Variants in TBC1D32 observed in about 807,000 individuals in gnomAD.
The protein encoded by TBC1D32 is TBC1 domain family member 32, also known as protein broad-minded.
In TBC1D32, 151 loss-of-function variants were observed where a neutral mutation model predicts 170.3. The ratio of observed to expected loss-of-function variants is 0.89; its 90% CI spans 0.78 to 1.01. The LOEUF (loss-of-function observed/expected upper bound fraction) is 1.01, where lower values mean the gene tolerates loss of function less well. TBC1D32 is among the 50% of genes least tolerant of loss of function. The pLI is 0.00. For missense variants in TBC1D32, 1,464 were observed against 1,457.1 expected, an observed-to-expected ratio of 1.00 and a Z score of -0.08; for synonymous variants, 498 against 488.0, an observed-to-expected ratio of 1.02 and a Z score of -0.27.
intron 26 of TBC1D32, among the ~76,000 whole-genome samples, chr6:121,119,867 G>A (rs546290905): frequency 2.6e-5 from 4 of 152,118 alleles, no homozygotes; most frequent in Non-Finnish European, 5.9e-5. Flanking sequence ...CTACCTTAGG[G>A]TTTAGAAGGC....
intron 20 of TBC1D32, among the ~76,000 whole-genome samples, chr6:121,230,946 C>A (rs1293968275): frequency 6.6e-6 from 1 of 151,798 alleles, no homozygotes; most frequent in Admixed American, 6.6e-5. Flanking sequence ...CATCCCCAAC[C>A]CTTTTCCCTG....
intron 22 of TBC1D32, among the ~76,000 whole-genome samples, chr6:121,200,783 T>C (rs990274419): frequency 1.3e-5 from 2 of 151,288 alleles, no homozygotes; most frequent in African/African-American, 4.9e-5. Context: ...GAAGGATGGG[T>C]TGAATTTGTA....
At chr6:121,291,068 G>A (rs1237079643) in intron 12 of TBC1D32, among the ~76,000 whole-genome samples, 1 of 152,014 alleles carries the variant, frequency 6.6e-6, no homozygotes, top group Non-Finnish European at 1.5e-5. Context: ...GTTAATGGGT[G>A]CAGTTTACCA....
chr6:121,159,970 G>T, intron 24 of TBC1D32, 40 bp downstream of exon 24: 2 of 1,355,574 alleles, frequency 1.5e-6, no homozygotes, highest in South Asian at 1.2e-5. Flanking sequence ...TATAACAAAA[G>T]CTTTAAAAAT....
chr6:121,184,304 G>A (rs923675804), intron 22 of TBC1D32, among the ~76,000 whole-genome samples: 1 of 151,894 alleles, frequency 6.6e-6, no homozygotes, highest in African/African-American at 2.4e-5. Flanking sequence ...TACTCCATAT[G>A]CTTTAGTAAA....
chr6:121,223,479 A>C, intron 20 of TBC1D32, 127 bp from the exon 21 acceptor site: 1 of 691,516 alleles, frequency 1.4e-6, no homozygotes, highest in Non-Finnish European at 2.6e-6. Context: ...TAATTCCCAT[A>C]CGTTTGAAAT....
chr6:121,225,336 G>A (rs1042789471), intron 20 of TBC1D32, among the ~76,000 whole-genome samples: 1 of 151,982 alleles, frequency 6.6e-6, no homozygotes, highest in Non-Finnish European at 1.5e-5. Flanking sequence ...CTGCAAAGAT[G>A]TTTTAATGTC....
intron 22 of TBC1D32, among the ~76,000 whole-genome samples, chr6:121,176,733 G>A (rs1190019331): frequency 1.3e-5 from 2 of 152,036 alleles, no homozygotes; most frequent in African/African-American, 4.8e-5. Flanking sequence ...GGAGTAGCTG[G>A]AATTACAGGC....
intron 15 of TBC1D32, among the ~76,000 whole-genome samples, chr6:121,262,551 A>C (rs1799900801): frequency 6.7e-6 from 1 of 149,998 alleles, no homozygotes; most frequent in African/African-American, 2.5e-5. Context: ...ATCTCGACCC[A>C]CTGCAACCTC....
At chr6:121,147,157 C>T in intron 24 of TBC1D32, among the ~76,000 whole-genome samples, 1 of 152,114 alleles carries the variant, frequency 6.6e-6, no homozygotes, top group Non-Finnish European at 1.5e-5. Context: ...GATTTCATTC[C>T]TTTTTATGGC....
At chr6:121,089,869 G>T (rs1429565947) in intron 31 of TBC1D32, among the ~76,000 whole-genome samples, 1 of 151,740 alleles carries the variant, frequency 6.6e-6, no homozygotes, top group African/African-American at 2.4e-5. Context: ...TAGTGTATAC[G>T]TGTATATGTG....
intron 1 of TBC1D32, 28 bp downstream of exon 1, chr6:121,334,248 A>T: frequency 6.3e-7 from 1 of 1,598,368 alleles, no homozygotes; most frequent in Non-Finnish European, 8.6e-7. Flanking sequence ...GATGGTTTAT[A>T]GGCTTAAAAC....
chr6:121,147,939 G>T (rs1783690083), intron 24 of TBC1D32, among the ~76,000 whole-genome samples: 1 of 141,670 alleles, frequency 7.1e-6, no homozygotes, highest in African/African-American at 2.6e-5. Flanking sequence ...TTTTTGAGAA[G>T]TATCAGTCCA....
chr6:121,135,057 T>TAA (rs995663016), intron 24 of TBC1D32, among the ~76,000 whole-genome samples: 46 of 152,270 alleles, frequency 3.0e-4, no homozygotes, highest in African/African-American at 1.1e-3. Flanking sequence ...CATGACCTTC[T>TAA]ATTCCTTCTT....
intron 17 of TBC1D32, among the ~76,000 whole-genome samples, chr6:121,243,171 C>A (rs1797198602): frequency 6.6e-6 from 1 of 151,454 alleles, no homozygotes; most frequent in Non-Finnish European, 1.5e-5. Context: ...TTACAAAACA[C>A]AAAATAAGAA....
At position 121,302,529 on chromosome 6, in the gene TBC1D32, G is replaced by T. The variant is rs76200622; in HGVS notation, c.1080+1088C>A. On this transcript the variant is annotated intron_variant, in intron 9 of 31. Transcript: ENST00000398212. The stretch of plus-strand genomic sequence containing the variant: ...GTTAATTACAAAGTTAGTAAAATAT[G>T]ACTGATTTTGTTAAAAAAAAGATGA... Among the ~76,000 whole-genome samples, 1,347 of 151,942 alleles carry T rather than the reference G, an allele frequency of 8.9e-3. 24 individuals are homozygous for T. Among genetic ancestry groups the T allele is most frequent in the African/African-American group, 0.031 (1,273 of 41,442 alleles).
At chr6:121,113,007 C>A (rs17083186) in intron 28 of TBC1D32, 55 bp downstream of exon 28, 54,516 of 1,307,740 alleles carry the variant, frequency 0.042, 1,266 homozygotes, top group African/African-American at 0.066. Flanking sequence ...ATCAAAGAAT[C>A]ATGAAAAATA....
intron 21 of TBC1D32, among the ~76,000 whole-genome samples, chr6:121,205,586 ATGT>A (rs1366476038): frequency 2.0e-4 from 30 of 152,218 alleles, no homozygotes; most frequent in Admixed American, 2.0e-3. Flanking sequence ...ACGGATCAAA[ATGT>A]TGTAACTAGT....
chr6:121,140,273 C>T (rs1582932987), intron 24 of TBC1D32, among the ~76,000 whole-genome samples: 2 of 151,170 alleles, frequency 1.3e-5, no homozygotes, highest in East Asian at 3.9e-4. Flanking sequence ...ATAATATATA[C>T]CTCCCCCCAC....
Sources: allele counts gnomAD v4.1 joint callset (sites outside exome capture counted in the v4.1 genomes callset), GRCh38; gene constraint gnomAD v4.1.1; transcripts MANE v1.5; gene names NCBI Gene and HGNC (gene_info 2026-07-23, HGNC 2026-07-21).